Variants in KIAA0825 observed in about 807,000 individuals in gnomAD.
KIAA0825 encodes the protein uncharacterized protein KIAA0825.
KIAA0825 carries 119 observed loss-of-function variants against 147.6 expected under a neutral mutation model. That is an observed-to-expected ratio of 0.81 (90% confidence interval 0.69 to 0.94). The LOEUF (loss-of-function observed/expected upper bound fraction) is 0.94. Among genes scored for constraint, KIAA0825 ranks in the 40% least tolerant of loss-of-function variants. The probability of loss-of-function intolerance (pLI) is 0.00; values close to 1 mark genes in which losing one functional copy is unlikely to be tolerated. For missense variants in KIAA0825, 1,381 were observed against 1,472.7 expected, an observed-to-expected ratio of 0.94 and a Z score of 1.02; for synonymous variants, 470 against 518.1, an observed-to-expected ratio of 0.91 and a Z score of 1.26.
intron 3 of KIAA0825, 25 bp from the exon 4 acceptor site, chr5:94,524,123 A>T: frequency 6.5e-7 from 1 of 1,536,588 alleles, no homozygotes; most frequent in Non-Finnish European, 8.9e-7. Flanking sequence ...AGAAAAAGTT[A>T]TTTTGGCAGG....
chr5:94,541,849 T>C (rs546351774), intron 2 of KIAA0825, among the ~76,000 whole-genome samples: 1 of 152,372 alleles, frequency 6.6e-6, no homozygotes, highest in Non-Finnish European at 1.5e-5. Flanking sequence ...CATTATCAAA[T>C]GTAAAATGGT....
At chr5:94,239,948 A>G (rs912583357) in intron 20 of KIAA0825, among the ~76,000 whole-genome samples, 1 of 152,234 alleles carries the variant, frequency 6.6e-6, no homozygotes, top group Non-Finnish European at 1.5e-5. Flanking sequence ...AAGTGATGAT[A>G]TAAAGGATAA....
chr5:94,562,636 AT>A (rs1459231309), intron 2 of KIAA0825, among the ~76,000 whole-genome samples: 1 of 152,230 alleles, frequency 6.6e-6, no homozygotes, highest in African/African-American at 2.4e-5. Context: ...GACAAATATT[AT>A]TTCCACACTT....
At chr5:94,262,929 C>T (rs1180622264) in intron 20 of KIAA0825, among the ~76,000 whole-genome samples, 2 of 152,124 alleles carry the variant, frequency 1.3e-5, no homozygotes, top group Non-Finnish European at 1.5e-5. Context: ...TCTACCTCCG[C>T]ACCCTAGGCC....
intron 5 of KIAA0825, among the ~76,000 whole-genome samples, chr5:94,487,438 C>T (rs1455797096): frequency 6.6e-6 from 1 of 152,118 alleles, no homozygotes; most frequent in South Asian, 2.1e-4. Context: ...CCAATTAAAG[C>T]GAAATTAAGC....
rs563041557 is a variant in KIAA0825 at position 94,504,837 on chromosome 5, T to C, written c.970+15411A>G. On this transcript the variant is annotated intron_variant, in intron 5 of 20. Transcript: ENST00000682413. ...ATCTCGGCTTACTGCAACCTCTGCTTCCCAGGTTCAAGCAATTCTCCTGCC... is the reference window on the plus strand; with the variant it reads ...ATCTCGGCTTACTGCAACCTCTGCTCCCCAGGTTCAAGCAATTCTCCTGCC... Among the ~76,000 whole-genome samples the C allele has an allele frequency of 3.3e-5, 5 of 151,450 alleles. No individual in the cohort carries two copies. The East Asian group carries it at 9.9e-4, about 30-fold the overall frequency.
chr5:94,262,924 C>T (rs1017384339), intron 20 of KIAA0825, among the ~76,000 whole-genome samples: 6 of 152,162 alleles, frequency 3.9e-5, no homozygotes, highest in Admixed American at 1.3e-4. Flanking sequence ...TCTTCTCTAC[C>T]TCCGCACCCT....
At chr5:94,322,356 A>G (rs901452261) in intron 20 of KIAA0825, among the ~76,000 whole-genome samples, 1 of 151,888 alleles carries the variant, frequency 6.6e-6, no homozygotes. Flanking sequence ...AAGACAAATA[A>G]ATAATAGTTT....
intron 14 of KIAA0825, among the ~76,000 whole-genome samples, chr5:94,436,363 A>G (rs777566290): frequency 6.6e-6 from 1 of 152,152 alleles, no homozygotes; most frequent in South Asian, 2.1e-4. Flanking sequence ...TTCTCCCAGA[A>G]CCATTTATTA....
At chr5:94,447,267 A>G (rs957739807) in intron 13 of KIAA0825, among the ~76,000 whole-genome samples, 2 of 152,122 alleles carry the variant, frequency 1.3e-5, no homozygotes, top group Non-Finnish European at 2.9e-5. Context: ...GGGCACACAA[A>G]GAGTACAGGA....
intron 15 of KIAA0825, chr5:94,413,593 C>A (rs544376167): frequency 6.6e-6 from 1 of 152,156 alleles, no homozygotes; most frequent in Admixed American, 6.5e-5. Context: ...TAAACTATCA[C>A]GACAAAAAGC....
At chr5:94,607,970 G>C (rs887259027) in intron 1 of KIAA0825, among the ~76,000 whole-genome samples, 3 of 152,022 alleles carry the variant, frequency 2.0e-5, no homozygotes, top group Non-Finnish European at 4.4e-5. Flanking sequence ...TTCCACTTTT[G>C]AGAACCCTTG....
intron 20 of KIAA0825, among the ~76,000 whole-genome samples, chr5:94,194,950 C>A (rs1770999149): frequency 6.6e-6 from 1 of 152,192 alleles, no homozygotes; most frequent in African/African-American, 2.4e-5. Flanking sequence ...ACTGTCCATA[C>A]ATCATTTCAC....
chr5:94,609,242 T>C (rs1371651171), intron 1 of KIAA0825, among the ~76,000 whole-genome samples: 2 of 152,208 alleles, frequency 1.3e-5, no homozygotes, highest in African/African-American at 4.8e-5. Flanking sequence ...CACCAAAGAC[T>C]GAATGCAGGA....
intron 20 of KIAA0825, among the ~76,000 whole-genome samples, chr5:94,272,589 C>T (rs1214265036): frequency 2.0e-5 from 3 of 152,138 alleles, no homozygotes; most frequent in African/African-American, 7.2e-5. Context: ...CAGAAGTGAT[C>T]AACACATAGA....
intron 20 of KIAA0825, among the ~76,000 whole-genome samples, chr5:94,366,060 A>C (rs1745808916): frequency 6.6e-6 from 1 of 152,102 alleles, no homozygotes; most frequent in Non-Finnish European, 1.5e-5. Flanking sequence ...CCATGATTTC[A>C]TCTCCGACCT....
At chr5:94,211,588 C>T (rs1415918376) in intron 20 of KIAA0825, among the ~76,000 whole-genome samples, 4 of 152,162 alleles carry the variant, frequency 2.6e-5, no homozygotes, top group East Asian at 1.9e-4. Context: ...TATTAAAACA[C>T]GCTAGATCTT....
intron 2 of KIAA0825, among the ~76,000 whole-genome samples, chr5:94,578,101 T>C (rs1781399056): frequency 6.6e-6 from 1 of 152,232 alleles, no homozygotes; most frequent in African/African-American, 2.4e-5. Flanking sequence ...TCCCTTTATG[T>C]GGTGAGCTCT....
intron 5 of KIAA0825, among the ~76,000 whole-genome samples, chr5:94,491,452 A>C (rs1022588361): frequency 2.6e-5 from 4 of 152,178 alleles, no homozygotes; most frequent in Non-Finnish European, 5.9e-5. Context: ...AATGGATAGC[A>C]GTGGTCTGAA....
Sources: allele counts gnomAD v4.1 joint callset (sites outside exome capture counted in the v4.1 genomes callset), GRCh38; gene constraint gnomAD v4.1.1; transcripts MANE v1.5; gene names NCBI Gene and HGNC (gene_info 2026-07-23, HGNC 2026-07-21).